Variants in AR observed in about 807,000 individuals in gnomAD.
AR encodes the protein dihydrotestosterone receptor.
A neutral mutation model predicts 53.9 loss-of-function variants in AR; 8 were observed. The ratio of observed to expected loss-of-function variants is 0.15; its 90% CI spans 0.09 to 0.27. The LOEUF (loss-of-function observed/expected upper bound fraction) is 0.27. Among genes scored for constraint, AR ranks in the 10% least tolerant of loss-of-function variants. The pLI, the probability that AR is intolerant of heterozygous loss-of-function variation, is 1.00. For missense variants in AR, 639 were observed against 742.5 expected (o/e 0.86, Z 1.62); for synonymous variants, 359 against 316.4 (o/e 1.13, Z -1.43).
At chrX:67,701,174 AT>A in intron 3 of AR, among the ~76,000 whole-genome samples, 1 of 111,598 alleles carries the variant, frequency 9.0e-6, no homozygotes, top group Middle Eastern at 4.6e-3. Flanking sequence ...TATATTTTTA[AT>A]TTTTTAATGT....
At chrX:67,590,510 G>A (rs1922780519) in intron 1 of AR, among the ~76,000 whole-genome samples, 1 of 111,848 alleles carries the variant, frequency 8.9e-6, no homozygotes, top group African/African-American at 3.3e-5. Context: ...TATCTCACTA[G>A]GAAGAGAATT....
intron 4 of AR, among the ~76,000 whole-genome samples, chrX:67,712,664 G>A (rs1391130489): frequency 8.9e-6 from 1 of 112,161 alleles, no homozygotes; most frequent in East Asian, 2.8e-4. Flanking sequence ...TCCCAGGGAA[G>A]CCCTAGGTCA....
intron 1 of AR, among the ~76,000 whole-genome samples, chrX:67,627,643 C>G (rs1365512431): frequency 9.0e-6 from 1 of 111,554 alleles, no homozygotes. Flanking sequence ...GAATTAGATC[C>G]CATTTGTCAA....
Position 67,724,950 on chromosome X carries a change from G to T in AR, c.*1109G>T, listed in dbSNP as rs1602281132. The T allele has an allele frequency of 1.2e-5, 2 of 173,372 alleles. No homozygotes were observed. Among genetic ancestry groups the T allele is most frequent in the South Asian group, 6.6e-4 (2 of 3,040 alleles). 14.3% of individuals were successfully genotyped at this position (173,372 alleles called of 1,213,427 possible). ...GGGAGGAGCTGGAGCCAGAGGAGAA[G>T]AAAATGATAGCTTGGCTGTTCTCCT... On this transcript the variant is annotated 3_prime_UTR_variant, in exon 8 of 8. Transcript: ENST00000374690.
chrX:67,702,722 A>T (rs1394237918), intron 3 of AR, among the ~76,000 whole-genome samples: 1 of 112,153 alleles, frequency 8.9e-6, no homozygotes, highest in Non-Finnish European at 1.9e-5. Context: ...CCATTCTTGC[A>T]GTGATTTATT....
rs146773807 is a variant in AR at position 67,597,238 on chromosome X, A to T, written c.1617-46018A>T. 9.2e-3 allele frequency among the ~76,000 whole-genome samples: 1,034 copies of T among 111,997 alleles called. 14 individuals are homozygous for T. Among genetic ancestry groups the T allele is most frequent in the African/African-American group, 0.032 (988 of 30,822 alleles). On this transcript the variant is annotated intron_variant, in intron 1 of 7. Transcript: ENST00000374690. ...GCAAAAGCAGCTATACACAATCCTGAAATGAATGGGTGTGGCCGTGTTCCA... is the reference window on the plus strand; with the variant it reads ...GCAAAAGCAGCTATACACAATCCTGTAATGAATGGGTGTGGCCGTGTTCCA...
At chrX:67,690,050 G>C (rs2075987357) in intron 3 of AR, among the ~76,000 whole-genome samples, 1 of 111,389 alleles carries the variant, frequency 9.0e-6, no homozygotes, top group South Asian at 3.8e-4. Flanking sequence ...AAATGGTGTT[G>C]GTCCCTGTTG....
Position 67,545,316 on chromosome X carries a change from T to TGCTGCAGCAGCA in AR, c.172_173insTGCAGCAGCAGC (p.Leu57_Gln58insLeuGlnGlnGln), listed in dbSNP as rs1206863775. 56 of 1,003,925 alleles carry TGCTGCAGCAGCA rather than the reference T, an allele frequency of 5.6e-5. No individual in the cohort carries two copies. Among genetic ancestry groups the TGCTGCAGCAGCA allele is most frequent in the South Asian group, 8.7e-5 (4 of 46,149 alleles). The allele number at this position is 1,003,925 out of a possible 1,213,427, so 82.7% of individuals were successfully genotyped here. A position where few individuals can be genotyped will look rare whatever the true frequency, so the allele number is the denominator to read the frequency against. On this transcript the variant is annotated inframe_insertion, in exon 1 of 8. Transcript: ENST00000374690. Reference sequence around the variant, plus strand: ...CCTCCCGGCGCCAGTTTGCTGCTGCTGCAGCAGCAGCAGCAGCAGCAGCAG... The same window carrying TGCTGCAGCAGCA: ...CCTCCCGGCGCCAGTTTGCTGCTGCTGCTGCAGCAGCAGCAGCAGCAGCAGCAGCAGCAGCAG...
At chrX:67,646,473 G>T (rs1207086121) in intron 2 of AR, among the ~76,000 whole-genome samples, 1 of 110,972 alleles carries the variant, frequency 9.0e-6, no homozygotes, top group Non-Finnish European at 1.9e-5. Flanking sequence ...AGAGAAAGTT[G>T]GTCAAAGTCT....
At chrX:67,647,071 C>T (rs141320934) in intron 2 of AR, among the ~76,000 whole-genome samples, 6,453 of 111,292 alleles carry the variant, frequency 0.058, 475 homozygotes, top group African/African-American at 0.2. Context: ...ATCTCTACCT[C>T]ATTATGTTTC....
chrX:67,680,678 T>C (rs2075928054), intron 2 of AR: 1 of 328,945 alleles, frequency 3.0e-6, no homozygotes, highest in Admixed American at 3.1e-5. Flanking sequence ...ATGCCACTAA[T>C]AGTGGGTAAC....
rs1334971615 is a variant in AR at position 67,729,688 on chromosome X, A to T, written c.*5847A>T. On this transcript the variant is annotated 3_prime_UTR_variant, in exon 8 of 8. Transcript: ENST00000374690. ...ACACTTCCCACATAAGCTACTTAAC[A>T]AGATTGTCATGGAGCTGCAGATTCC... is the stretch of plus-strand genomic sequence containing the variant. 1.7e-5 allele frequency: 3 copies of T among 172,503 alleles called. No individual in the cohort carries two copies. Among genetic ancestry groups the T allele is most frequent in the African/African-American group, 8.9e-5 (3 of 33,573 alleles). The allele number at this position is 172,503 out of a possible 1,213,427, so 14.2% of individuals were successfully genotyped here.
intron 3 of AR, among the ~76,000 whole-genome samples, chrX:67,691,407 G>A (rs924143216): frequency 1.8e-5 from 2 of 112,028 alleles, no homozygotes; most frequent in Non-Finnish European, 3.8e-5. Flanking sequence ...TGTCAAATAA[G>A]TGAGGGAAAC....
chrX:67,603,648 G>A (rs1287546188), intron 1 of AR, among the ~76,000 whole-genome samples: 1 of 111,867 alleles, frequency 8.9e-6, no homozygotes, highest in Non-Finnish European at 1.9e-5. Flanking sequence ...ATAGATTGGG[G>A]TTAGTCATAC....
intron 2 of AR, among the ~76,000 whole-genome samples, chrX:67,660,078 A>G (rs1394857103): frequency 9.0e-6 from 1 of 110,807 alleles, no homozygotes; most frequent in African/African-American, 3.3e-5. Flanking sequence ...TTTTTCTTGT[A>G]AATTTGTTTG....
chrX:67,566,194 CTAAT>C (rs1443988947), intron 1 of AR, among the ~76,000 whole-genome samples: 2 of 111,841 alleles, frequency 1.8e-5, no homozygotes, highest in Non-Finnish European at 3.8e-5. Flanking sequence ...TGCGAATTCA[CTAAT>C]TAATTATTTT....
chrX:67,630,206 T>G (rs1317507218), intron 1 of AR, among the ~76,000 whole-genome samples: 2 of 110,982 alleles, frequency 1.8e-5, no homozygotes, highest in South Asian at 3.9e-4. Flanking sequence ...TAACTTTCTG[T>G]CTCGTTGATC....
intron 1 of AR, among the ~76,000 whole-genome samples, chrX:67,594,094 A>G (rs777375058): frequency 8.9e-6 from 1 of 112,045 alleles, no homozygotes; most frequent in Non-Finnish European, 1.9e-5. Flanking sequence ...TCCTGGTTCA[A>G]GTGATCCTCC....
rs1215694088 is a variant in AR at position 67,728,405 on chromosome X, C to A, written c.*4564C>A. The A allele has an allele frequency of 1.3e-5, 2 of 153,667 alleles. No homozygotes were observed. The highest frequency in any genetic ancestry group is 3.2e-5 in the African/African-American group (1 of 31,413). 12.7% of individuals were successfully genotyped at this position (153,667 alleles called of 1,213,427 possible). On this transcript the variant is annotated 3_prime_UTR_variant, in exon 8 of 8. Transcript: ENST00000374690. ...TGTTAGCTTATCTGAAGATGTGAAACCCTTGCTGATAAGGGAGCATTTAAA... is the reference window on the plus strand; with the variant it reads ...TGTTAGCTTATCTGAAGATGTGAAAACCTTGCTGATAAGGGAGCATTTAAA...
Sources: gnomAD v4.1 joint callset for allele counts (sites outside exome capture counted in the v4.1 genomes callset) on GRCh38, gnomAD v4.1.1 for gene constraint, MANE v1.5 for transcripts, NCBI Gene and HGNC (gene_info 2026-07-23, HGNC 2026-07-21) for gene names.